The following EML6 variants were observed in gnomAD, a reference collection of about 807,000 sequenced individuals.
EML6 encodes echinoderm microtubule-associated protein-like 6.
EML6 carries 154 observed loss-of-function variants against 240.1 expected under a neutral mutation model. That is an observed-to-expected ratio of 0.64 (90% CI 0.56 to 0.73). The LOEUF (loss-of-function observed/expected upper bound fraction) is 0.73, where lower values mean the gene tolerates loss of function less well. Among genes scored for constraint, EML6 ranks in the 30% least tolerant of loss-of-function variants. The probability of loss-of-function intolerance (pLI) is 0.00; values close to 1 mark genes in which losing one functional copy is unlikely to be tolerated. For missense variants in EML6, 2,964 were observed against 2,474.6 expected (o/e 1.20, Z -4.20); for synonymous variants, 1,148 against 899.0 (o/e 1.28, Z -4.95).
intron 13 of EML6, among the ~76,000 whole-genome samples, chr2:54,864,188 C>G (rs566330331): frequency 6.6e-6 from 1 of 152,164 alleles, no homozygotes. Flanking sequence ...GAAAAATGTG[C>G]AAGTAAGCCA....
rs117022824 is a variant in EML6, at chr2:54,915,586, G to A, written c.3499-1173G>A. The stretch of plus-strand genomic sequence containing the variant: ...GTCACAGGACCAGATTCAGATTTTT[G>A]TTTCCACCTCTGTGTGCCTCCAAAA... On this transcript the variant is annotated intron_variant, in intron 25 of 41. Coordinates refer to ENST00000356458, the MANE Select transcript of EML6 (RefSeq NM_001039753.4). Among the ~76,000 whole-genome samples, 35 of 152,172 alleles carry A rather than the reference G, an allele frequency of 2.3e-4. 1 individual carries two copies. The East Asian group carries it at 5.8e-3, about 25-fold the overall frequency.
At chr2:54,851,114 A>T (rs1038291127) in intron 10 of EML6, among the ~76,000 whole-genome samples, 1 of 152,190 alleles carries the variant, frequency 6.6e-6, no homozygotes, top group Non-Finnish European at 1.5e-5. Flanking sequence ...TCTTGGAAAG[A>T]ATAACCCAAT....
chr2:54,946,786 A>G (rs923141805), intron 28 of EML6, among the ~76,000 whole-genome samples: 1 of 152,140 alleles, frequency 6.6e-6, no homozygotes, highest in Non-Finnish European at 1.5e-5. Context: ...AATCCGCTGA[A>G]TTTGCCACAA....
chr2:54,776,121 TTTG>T (rs983157185), intron 2 of EML6, among the ~76,000 whole-genome samples: 2 of 151,956 alleles, frequency 1.3e-5, no homozygotes, highest in Admixed American at 6.6e-5. Flanking sequence ...CCTGCCTTAT[TTTG>T]TTGTTGTTGT....
chr2:54,785,420 C>T (rs577524560), intron 2 of EML6, among the ~76,000 whole-genome samples: 2 of 152,162 alleles, frequency 1.3e-5, no homozygotes, highest in East Asian at 1.9e-4. Context: ...AGTGATCCTC[C>T]CACCTCGGCC....
intron 14 of EML6, chr2:54,868,306 C>T (rs995921002): frequency 6.6e-6 from 1 of 152,016 alleles, no homozygotes; most frequent in Non-Finnish European, 1.5e-5. Context: ...GAATATATTA[C>T]TAATTGTGAC....
At chr2:54,963,160 C>T (rs1435237893) in intron 36 of EML6, among the ~76,000 whole-genome samples, 1 of 152,088 alleles carries the variant, frequency 6.6e-6, no homozygotes, top group East Asian at 1.9e-4. Flanking sequence ...AGAGTTCTTG[C>T]CGATCCTCAT....
intron 2 of EML6, among the ~76,000 whole-genome samples, chr2:54,777,554 G>A (rs1035161214): frequency 6.6e-6 from 1 of 152,142 alleles, no homozygotes; most frequent in African/African-American, 2.4e-5. Flanking sequence ...GCTTTGGAAA[G>A]GGGAAATGTA....
chr2:54,886,730 C>G (rs1445262883), intron 17 of EML6, among the ~76,000 whole-genome samples: 1 of 152,068 alleles, frequency 6.6e-6, no homozygotes, highest in Non-Finnish European at 1.5e-5. Context: ...GGTATATTTT[C>G]TTTGTAGAAT....
At chr2:54,820,943 A>T (rs13427954) in intron 5 of EML6, among the ~76,000 whole-genome samples, 2 of 152,066 alleles carry the variant, frequency 1.3e-5, no homozygotes, top group African/African-American at 2.4e-5. Context: ...AAACGCCCCA[A>T]TCTTCCTCTA....
intron 2 of EML6, among the ~76,000 whole-genome samples, chr2:54,777,118 C>T (rs935183164): frequency 1.1e-4 from 16 of 152,174 alleles, no homozygotes; most frequent in Admixed American, 2.0e-4. Flanking sequence ...GCCTGGAGTC[C>T]CCAAAGACTC....
At chr2:54,807,484 A>G (rs1243644782) in intron 2 of EML6, among the ~76,000 whole-genome samples, 1 of 152,176 alleles carries the variant, frequency 6.6e-6, no homozygotes, top group African/African-American at 2.4e-5. Flanking sequence ...ACAATCAACA[A>G]AACAATAAAT....
intron 2 of EML6, among the ~76,000 whole-genome samples, chr2:54,738,290 A>G (rs1683485032): frequency 6.6e-6 from 1 of 152,096 alleles, no homozygotes; most frequent in Admixed American, 6.5e-5. Flanking sequence ...CATGACTTTT[A>G]TTTGTTTTTG....
At chr2:54,967,208 A>G in intron 39 of EML6, 105 bp downstream of exon 39, 1 of 738,578 alleles carries the variant, frequency 1.4e-6, no homozygotes, top group Admixed American at 2.6e-5. Flanking sequence ...AAGCTGAGAA[A>G]TGGAGCTGTC....
At chr2:54,848,524 TACAC>T (rs59587579) in intron 9 of EML6, among the ~76,000 whole-genome samples, 4,168 of 145,844 alleles carry the variant, frequency 0.029, 209 homozygotes, top group African/African-American at 0.1. Flanking sequence ...GCTTCCACAC[TACAC>T]ACACACACAC....
chr2:54,805,322 A>G (rs1469496905), intron 2 of EML6, among the ~76,000 whole-genome samples: 1 of 152,224 alleles, frequency 6.6e-6, no homozygotes, highest in Non-Finnish European at 1.5e-5. Flanking sequence ...ATAAATTCTG[A>G]AGAGTGGAAT....
chr2:54,914,687 C>T (rs1472547369), intron 25 of EML6, among the ~76,000 whole-genome samples: 5 of 152,124 alleles, frequency 3.3e-5, no homozygotes, highest in African/African-American at 9.7e-5. Flanking sequence ...AGTGCCGCTA[C>T]TGAGAGCATT....
chr2:54,909,105 T>C (rs1673502984), intron 24 of EML6, among the ~76,000 whole-genome samples: 1 of 152,246 alleles, frequency 6.6e-6, no homozygotes, highest in Non-Finnish European at 1.5e-5. Context: ...GGGATTTATC[T>C]GAGGATTACA....
chr2:54,918,281 A>G (rs1470762348), intron 26 of EML6, among the ~76,000 whole-genome samples: 1 of 152,224 alleles, frequency 6.6e-6, no homozygotes, highest in Non-Finnish European at 1.5e-5. Flanking sequence ...ACAGACTGGA[A>G]CAATCACACG....
Sources: gnomAD v4.1 joint callset for allele counts (sites outside exome capture counted in the v4.1 genomes callset) on GRCh38, gnomAD v4.1.1 for gene constraint, MANE v1.5 for transcripts, NCBI Gene and HGNC (gene_info 2026-07-23, HGNC 2026-07-21) for gene names.